The following UBTD2 variants were observed in gnomAD, a reference collection of about 807,000 sequenced individuals.
UBTD2 encodes ubiquitin domain-containing protein 2.
Under a neutral mutation model 19.8 loss-of-function variants are expected in UBTD2, and 9 were observed. The ratio of observed to expected loss-of-function variants is 0.46; its 90% CI spans 0.27 to 0.79. UBTD2 has a LOEUF of 0.79. Ranked by LOEUF, UBTD2 falls within the 30% of genes least tolerant of loss-of-function variation. The pLI is 0.14. For synonymous variants in UBTD2, 98 were observed against 103.9 expected (o/e 0.94, Z 0.35); for missense variants, 250 against 300.4 (o/e 0.83, Z 1.24).
intron 1 of UBTD2, among the ~76,000 whole-genome samples, chr5:172,267,238 T>C (rs543266824): frequency 3.9e-4 from 59 of 152,206 alleles, no homozygotes; most frequent in Non-Finnish European, 7.3e-4. Flanking sequence ...GTTTCTAATA[T>C]GAAGACCATC....
intron 2 of UBTD2, among the ~76,000 whole-genome samples, chr5:172,218,775 C>CAAAAAAAAAAAA (rs1196929218): frequency 9.9e-5 from 5 of 50,346 alleles, no homozygotes; most frequent in South Asian, 6.7e-4. Context: ...ACCCTGTCAC[C>CAAAAAAAAAAAA]AAAAAAAAAA....
chr5:172,218,680 G>A (rs1262080245), intron 2 of UBTD2, among the ~76,000 whole-genome samples: 1 of 151,058 alleles, frequency 6.6e-6, no homozygotes. Flanking sequence ...AGCTACCCAG[G>A]AGGCTGAGGT....
chr5:172,236,530 AC>A (rs942252044), intron 1 of UBTD2, among the ~76,000 whole-genome samples: 6 of 152,136 alleles, frequency 3.9e-5, no homozygotes, highest in South Asian at 4.1e-4. Context: ...GATAACCACA[AC>A]CCACTGATTG....
chr5:172,247,129 T>C (rs921483844), intron 1 of UBTD2, among the ~76,000 whole-genome samples: 3 of 151,830 alleles, frequency 2.0e-5, no homozygotes, highest in African/African-American at 4.8e-5. Flanking sequence ...ATAGAGAAGG[T>C]AGAAGTAAAA....
chr5:172,246,003 G>C (rs115110154), intron 1 of UBTD2, among the ~76,000 whole-genome samples: 2,558 of 152,252 alleles, frequency 0.017, 32 homozygotes, highest in Non-Finnish European at 0.026. Flanking sequence ...CACACAAAGA[G>C]CCAGAAATAT....
intron 1 of UBTD2, among the ~76,000 whole-genome samples, chr5:172,237,943 C>T (rs2339366): frequency 0.3 from 45,737 of 152,122 alleles, 7,005 homozygotes; most frequent in South Asian, 0.42. Flanking sequence ...AAAGAAATGT[C>T]CCTGATTGTC....
Position 172,283,563 on chromosome 5 carries a change from G to A in UBTD2, c.70+33C>T. Reference sequence around the variant, plus strand: ...TGGCCGGGCCTGGCCGGGAACAATGGGGGGCCGAGGCTGCCCCCTGGCGCT... The same window carrying A: ...TGGCCGGGCCTGGCCGGGAACAATGAGGGGCCGAGGCTGCCCCCTGGCGCT... On this transcript the variant is annotated intron_variant, in intron 1 of 2. Transcript: ENST00000393792. The surrounding 1 kb of genome is among the most constrained non-coding windows in gnomAD (Gnocchi z 4.3). 1 of 1,285,352 alleles carries A rather than the reference G, an allele frequency of 7.8e-7. No individual in the cohort carries two copies. The highest frequency in any genetic ancestry group is 1.5e-5 in the African/African-American group (1 of 64,826). 79.6% of individuals were successfully genotyped at this position (1,285,352 alleles called of 1,614,324 possible).
At chr5:172,238,727 A>T (rs1278440696) in intron 1 of UBTD2, among the ~76,000 whole-genome samples, 1 of 152,236 alleles carries the variant, frequency 6.6e-6, no homozygotes. Context: ...AAAACAATCA[A>T]TTCTGAAGTT....
intron 1 of UBTD2, among the ~76,000 whole-genome samples, chr5:172,270,327 C>G (rs1755459445): frequency 1.3e-5 from 2 of 148,388 alleles, no homozygotes; most frequent in South Asian, 4.3e-4. Flanking sequence ...AGTTCTGAAA[C>G]TAGAAGTATT....
chr5:172,243,259 C>T (rs765782272), intron 1 of UBTD2, among the ~76,000 whole-genome samples: 2 of 151,964 alleles, frequency 1.3e-5, no homozygotes, highest in African/African-American at 4.8e-5. Context: ...ATATCACTTA[C>T]CAATAGCTTA....
intron 1 of UBTD2, among the ~76,000 whole-genome samples, chr5:172,244,852 C>T (rs1211228032): frequency 2.6e-5 from 4 of 151,924 alleles, no homozygotes; most frequent in Admixed American, 2.0e-4. Flanking sequence ...CCTCAGCCTC[C>T]CGAGTAGCTG....
intron 2 of UBTD2, among the ~76,000 whole-genome samples, chr5:172,212,754 T>A (rs543699147): frequency 3.4e-4 from 51 of 152,148 alleles, no homozygotes; most frequent in Admixed American, 2.7e-3. Context: ...AACCTCTGCC[T>A]CCTGGGTTCC....
At chr5:172,226,227 G>A (rs1038309796) in intron 2 of UBTD2, among the ~76,000 whole-genome samples, 1 of 152,178 alleles carries the variant, frequency 6.6e-6, no homozygotes, top group African/African-American at 2.4e-5. Context: ...CAGAATGAAT[G>A]CAAAGGAATG....
chr5:172,235,076 T>G (rs1182432371), intron 1 of UBTD2, among the ~76,000 whole-genome samples: 1 of 139,390 alleles, frequency 7.2e-6, no homozygotes, highest in African/African-American at 2.7e-5. Context: ...AATCTAAAAC[T>G]GCTCTAAAAA....
chr5:172,270,551 T>C lies in UBTD2; in HGVS notation c.70+13045A>G, dbSNP rs573140919. On this transcript the variant is annotated intron_variant, in intron 1 of 2. Coordinates refer to ENST00000393792, the MANE Select transcript of UBTD2 (RefSeq NM_152277.3). ...TTTTGTATTTTAGTAAAAGACGGGG[T>C]TTCAATGTTGGCTGGGATGGTCTCA... 4.0e-5 allele frequency among the ~76,000 whole-genome samples: 6 copies of C among 151,528 alleles called. No homozygotes were observed. The East Asian group carries it at 5.8e-4, about 15-fold the overall frequency.
At chr5:172,273,402 C>A (rs1755538020) in intron 1 of UBTD2, among the ~76,000 whole-genome samples, 1 of 151,850 alleles carries the variant, frequency 6.6e-6, no homozygotes, top group South Asian at 2.1e-4. Flanking sequence ...ACCAGCCTGG[C>A]CAACGTGGTG....
At chr5:172,213,468 A>G (rs1283206446) in intron 2 of UBTD2, among the ~76,000 whole-genome samples, 1 of 152,232 alleles carries the variant, frequency 6.6e-6, no homozygotes, top group Non-Finnish European at 1.5e-5. Context: ...TAATCTATCT[A>G]GTACAGATAA....
chr5:172,269,363 C>T (rs554871826), intron 1 of UBTD2, among the ~76,000 whole-genome samples: 12 of 151,696 alleles, frequency 7.9e-5, no homozygotes, highest in Admixed American at 3.3e-4. Context: ...TAGTGGTGTG[C>T]GCCTGTAATA....
intron 1 of UBTD2, among the ~76,000 whole-genome samples, chr5:172,239,484 G>A (rs889870353): frequency 6.6e-6 from 1 of 152,038 alleles, no homozygotes; most frequent in Non-Finnish European, 1.5e-5. Flanking sequence ...GCAATGGCAT[G>A]ATCTCGGCTC....
Sources: gnomAD v4.1 joint callset for allele counts (sites outside exome capture counted in the v4.1 genomes callset) on GRCh38, gnomAD v4.1.1 for gene constraint, Gnocchi (gnomAD v3.1) non-coding constraint, MANE v1.5 for transcripts, NCBI Gene and HGNC (gene_info 2026-07-23, HGNC 2026-07-21) for gene names.